UBTD2: variants seen among roughly 807,000 people sequenced by gnomAD.
UBTD2 encodes ubiquitin domain containing 2, also known as ubiquitin domain-containing protein 2.
UBTD2 carries 9 observed loss-of-function variants against 19.8 expected under a neutral mutation model. The ratio of observed to expected loss-of-function variants is 0.46; its 90% confidence interval spans 0.27 to 0.79. UBTD2 has a LOEUF of 0.79. Among genes scored for constraint, UBTD2 ranks in the 30% least tolerant of loss-of-function variants. The pLI is 0.14. For missense variants in UBTD2, 250 were observed against 300.4 expected (o/e 0.83, Z 1.24); for synonymous variants, 98 against 103.9 (o/e 0.94, Z 0.35).
chr5:172,252,528 A>T (rs1452934126), intron 1 of UBTD2: 1 of 152,216 alleles, frequency 6.6e-6, no homozygotes, highest in Non-Finnish European at 1.5e-5. Context: ...GGCAGCATAC[A>T]TCAATTATCA....
intron 1 of UBTD2, among the ~76,000 whole-genome samples, chr5:172,238,415 C>G (rs1356817425): frequency 6.6e-6 from 1 of 152,160 alleles, no homozygotes; most frequent in Non-Finnish European, 1.5e-5. Context: ...ATAAAGCAAT[C>G]TAATCTTAAA....
At chr5:172,254,519 C>T in intron 1 of UBTD2, 1 of 574,642 alleles carries the variant, frequency 1.7e-6, no homozygotes. Flanking sequence ...GAGCAAACGT[C>T]CATGTGCATC....
At chr5:172,262,441 T>G (rs1406934680) in intron 1 of UBTD2, among the ~76,000 whole-genome samples, 2 of 82,212 alleles carry the variant, frequency 2.4e-5, no homozygotes, top group Admixed American at 1.8e-4. Context: ...CAGAGACAGA[T>G]CCACCAAAAA....
At chr5:172,263,087 A>G (rs1031369035) in intron 1 of UBTD2, among the ~76,000 whole-genome samples, 1 of 151,894 alleles carries the variant, frequency 6.6e-6, no homozygotes, top group African/African-American at 2.4e-5. Context: ...ACAGGTGCGC[A>G]CCACCACACC....
intron 2 of UBTD2, among the ~76,000 whole-genome samples, chr5:172,213,717 A>C (rs889688380): frequency 6.6e-6 from 1 of 152,194 alleles, no homozygotes; most frequent in Non-Finnish European, 1.5e-5. Context: ...TGAGTAGCTG[A>C]GACTAGGTGT....
At chr5:172,246,680 G>A (rs1311686958) in intron 1 of UBTD2, among the ~76,000 whole-genome samples, 1 of 146,372 alleles carries the variant, frequency 6.8e-6, no homozygotes, top group African/African-American at 2.5e-5. Context: ...CTGCCCTTAA[G>A]TGATCTGCCC....
chr5:172,262,274 A>G (rs1481604355), intron 1 of UBTD2, among the ~76,000 whole-genome samples: 1 of 151,100 alleles, frequency 6.6e-6, no homozygotes, highest in African/African-American at 2.4e-5. Context: ...ACATGGTGAA[A>G]CCCCATCTCT....
intron 1 of UBTD2, among the ~76,000 whole-genome samples, chr5:172,246,989 C>G (rs1203784908): frequency 6.6e-6 from 1 of 151,112 alleles, no homozygotes; most frequent in Non-Finnish European, 1.5e-5. Flanking sequence ...CTCCTGACCC[C>G]ATGATCCGCC....
intron 1 of UBTD2, among the ~76,000 whole-genome samples, chr5:172,280,995 G>C (rs1228747776): frequency 1.3e-5 from 2 of 152,260 alleles, no homozygotes; most frequent in Middle Eastern, 3.4e-3. Context: ...TCTTACTAAG[G>C]CTGGCTGATA....
In UBTD2 at chr5:172,255,073, C is replaced by T. The variant is rs543746884; in HGVS notation, c.71-20715G>A. The stretch of plus-strand genomic sequence containing the variant: ...CAGCTGCCATCATCTGCGGCATGGA[C>T]AAGTGGCACGTCAAAAGGCTGCCAG... On this transcript the variant is annotated intron_variant, in intron 1 of 2. Transcript: ENST00000393792. 2.7e-4 allele frequency: 136 copies of T among 495,264 alleles called. 3 individuals are homozygous for T. The highest frequency in any genetic ancestry group is 2.3e-3 in the South Asian group (133 of 58,548). The allele number at this position is 495,264 out of a possible 1,614,324, so 30.7% of individuals were successfully genotyped here. A position where few individuals can be genotyped will look rare whatever the true frequency, so the allele number is the denominator to read the frequency against.
Position 172,246,507 on chromosome 5 carries a change from C to T in UBTD2, c.71-12149G>A, listed in dbSNP as rs188693051. Among the ~76,000 whole-genome samples the T allele has an allele frequency of 3.2e-3, 427 of 134,286 alleles. 1 individual carries two copies. Among genetic ancestry groups the T allele is most frequent in the Middle Eastern group, 0.011 (2 of 180 alleles). The allele number at this position is 134,286 out of a possible 152,430, so 88.1% of individuals were successfully genotyped here. ...TCGCCCAGGCTGCAATGCAGTGGTG[C>T]GATCTTGGCTCACTGCAACCTCCGC... On this transcript the variant is annotated intron_variant, in intron 1 of 2. Coordinates refer to ENST00000393792, the MANE Select transcript of UBTD2 (RefSeq NM_152277.3).
rs1020162214 is a variant in UBTD2 at position 172,264,321 on chromosome 5, C to T, written c.70+19275G>A. Among the ~76,000 whole-genome samples, 5 of 151,588 alleles carry T rather than the reference C, an allele frequency of 3.3e-5. No individual in the cohort carries two copies. In the South Asian group the frequency reaches 6.2e-4, roughly 19 times the overall value. On this transcript the variant is annotated intron_variant, in intron 1 of 2. Coordinates refer to ENST00000393792, the MANE Select transcript of UBTD2 (RefSeq NM_152277.3). The stretch of plus-strand genomic sequence containing the variant: ...CAGCACTTTGGGAGGCTGAGGCGGG[C>T]GGATCACTTGAGGTCAGAAGTTCAA...
intron 1 of UBTD2, chr5:172,255,015 T>A: frequency 7.3e-6 from 4 of 551,344 alleles, no homozygotes; most frequent in South Asian, 1.5e-5. Flanking sequence ...ACCAGCAAGA[T>A]CCCCAGGCTC....
At chr5:172,235,150 AGT>A (rs1010108095) in intron 1 of UBTD2, among the ~76,000 whole-genome samples, 8 of 151,206 alleles carry the variant, frequency 5.3e-5, no homozygotes, top group African/African-American at 9.9e-5. Flanking sequence ...CTAGAAGGTA[AGT>A]GTTTCATCAG....
At chr5:172,268,533 G>A (rs1297755811) in intron 1 of UBTD2, among the ~76,000 whole-genome samples, 1 of 152,136 alleles carries the variant, frequency 6.6e-6, no homozygotes, top group Non-Finnish European at 1.5e-5. Flanking sequence ...GATCACTTGA[G>A]GTCAGGAGTT....
intron 1 of UBTD2, among the ~76,000 whole-genome samples, chr5:172,265,698 T>A (rs1755364425): frequency 6.6e-6 from 1 of 152,136 alleles, no homozygotes; most frequent in Non-Finnish European, 1.5e-5. Context: ...ATTTCACTTA[T>A]TTACTCGAGC....
At chr5:172,262,468 A>G (rs11949265) in intron 1 of UBTD2, among the ~76,000 whole-genome samples, 1 of 143,116 alleles carries the variant, frequency 7.0e-6, no homozygotes, top group South Asian at 2.2e-4. Flanking sequence ...AAAAAAAAAA[A>G]CAAGAAAATG....
chr5:172,220,116 T>G (rs1176452391), intron 2 of UBTD2, among the ~76,000 whole-genome samples: 1 of 152,184 alleles, frequency 6.6e-6, no homozygotes, highest in Non-Finnish European at 1.5e-5. Flanking sequence ...CAACACTGTA[T>G]AAATAATTAT....
chr5:172,226,651 C>T lies in UBTD2; in HGVS notation c.307+7471G>A, dbSNP rs80268357. Among the ~76,000 whole-genome samples the T allele has an allele frequency of 3.6e-3, 554 of 152,264 alleles. 17 individuals carry two copies. The East Asian group carries it at 0.074, about 20-fold the overall frequency. Reference sequence around the variant, plus strand: ...TGGTGATTTCCACAAACCTGAATCACGCTAATGTCCAAAGGGCCATCAAAA... The same window carrying T: ...TGGTGATTTCCACAAACCTGAATCATGCTAATGTCCAAAGGGCCATCAAAA... On this transcript the variant is annotated intron_variant, in intron 2 of 2. Coordinates refer to ENST00000393792, the MANE Select transcript of UBTD2 (RefSeq NM_152277.3).
Sources: allele counts gnomAD v4.1 joint callset (sites outside exome capture counted in the v4.1 genomes callset), GRCh38; gene constraint gnomAD v4.1.1; transcripts MANE v1.5; gene names NCBI Gene and HGNC (gene_info 2026-07-23, HGNC 2026-07-21).